The following CHRNA5 variants were observed in gnomAD, a reference collection of about 807,000 sequenced individuals.
CHRNA5 encodes neuronal acetylcholine receptor subunit alpha-5.
In CHRNA5, 28 loss-of-function variants were observed where a neutral mutation model predicts 41.2. The observed-to-expected ratio is 0.68, with a 90% confidence interval of 0.50 to 0.93. The LOEUF is 0.93. Among genes scored for constraint, CHRNA5 ranks in the 40% least tolerant of loss-of-function variants. CHRNA5 has a pLI of 0.00. For synonymous variants in CHRNA5, 188 were observed against 205.8 expected (o/e 0.91, Z 0.74); for missense variants, 481 against 581.9 (o/e 0.83, Z 1.78).
In CHRNA5 at chr15:78,588,423, A is replaced by G; in HGVS notation, c.413A>G (p.Asn138Ser). The stretch of plus-strand genomic sequence containing the variant: ...ACACCAGACATCGTTTTGTTTGATA[A>G]GTAAGTTATATTCTAAATATAGTTT... Residue 138 changes from asparagine (N) to serine (S), a missense_variant and splice_region_variant, in exon 4 of 6, where the codon AAT becomes AGT. Transcript: ENST00000299565. The surrounding 1 kb of genome is among the most constrained non-coding windows in gnomAD (Gnocchi z 4.1). The G allele has an allele frequency of 7.2e-7, 1 of 1,385,424 alleles. No individual in the cohort carries two copies. 85.8% of individuals were successfully genotyped at this position (1,385,424 alleles called of 1,614,324 possible).
chr15:78,567,197 G>A (rs2052758275), intron 1 of CHRNA5, among the ~76,000 whole-genome samples: 1 of 150,996 alleles, frequency 6.6e-6, no homozygotes, highest in South Asian at 2.1e-4. Flanking sequence ...AGGTTACAGT[G>A]AGCCGAGATC....
chr15:78,595,124 GTTTAATGCCA>G (rs2053080510), exon 6 of CHRNA5: 1 of 190,908 alleles, frequency 5.2e-6, no homozygotes, highest in Non-Finnish European at 9.7e-6. Flanking sequence ...GTAGGCAGGT[GTTTAATGCCA>G]TTTAATGAGT....
At chr15:78,568,166 C>T (rs2141394072) in intron 1 of CHRNA5, among the ~76,000 whole-genome samples, 1 of 152,284 alleles carries the variant, frequency 6.6e-6, no homozygotes, top group East Asian at 1.9e-4. Flanking sequence ...TTTCTGTGAG[C>T]CAGTTCCCAG....
intron 1 of CHRNA5, among the ~76,000 whole-genome samples, chr15:78,569,750 G>T (rs1318589554): frequency 6.7e-6 from 1 of 150,040 alleles, no homozygotes; most frequent in Non-Finnish European, 1.5e-5. Context: ...GTTTTTGAAA[G>T]AAGTTTAGAA....
intron 2 of CHRNA5, among the ~76,000 whole-genome samples, chr15:78,581,351 G>A (rs1279047425): frequency 2.0e-5 from 3 of 152,154 alleles, no homozygotes; most frequent in Non-Finnish European, 4.4e-5. Flanking sequence ...GGAACTAAAA[G>A]TATCACAAGA....
chr15:78,593,696 T>G (rs569449846), exon 6 of CHRNA5: 1 of 152,572 alleles, frequency 6.6e-6, no homozygotes, highest in Admixed American at 6.5e-5. Flanking sequence ...CTGCTATATT[T>G]AAAAAGCTGA....
At chr15:78,586,589 A>C (rs1375999313) in intron 2 of CHRNA5, 56 bp from the exon 3 acceptor site, 1 of 1,022,178 alleles carries the variant, frequency 9.8e-7, no homozygotes, top group Non-Finnish European at 1.5e-6. Flanking sequence ...TATTATTTAA[A>C]GAATTATTGT....
chr15:78,580,349 G>C (rs1032387173), intron 1 of CHRNA5, among the ~76,000 whole-genome samples: 1 of 149,630 alleles, frequency 6.7e-6, no homozygotes, highest in African/African-American at 2.5e-5. Flanking sequence ...TGATAAATGA[G>C]CTTTGCTTTA....
exon 1 of CHRNA5, chr15:78,565,734 G>A (rs1596053277): frequency 2.5e-6 from 3 of 1,186,000 alleles, no homozygotes; most frequent in Non-Finnish European, 3.1e-6. Context: ...CGGCGCGGGG[G>A]TCAGGGCCCC....
intron 2 of CHRNA5, among the ~76,000 whole-genome samples, chr15:78,582,638 G>T (rs1045717269): frequency 1.3e-5 from 2 of 152,196 alleles, no homozygotes; most frequent in Non-Finnish European, 2.9e-5. Context: ...CTTAATGAAT[G>T]ACCTTATCAA....
At chr15:78,570,422 C>CAATTTTTTTT (rs2052791456) in intron 1 of CHRNA5, among the ~76,000 whole-genome samples, 2 of 66,288 alleles carry the variant, frequency 3.0e-5, no homozygotes, top group East Asian at 2.6e-3. Context: ...CCAATCCCGG[C>CAATTTTTTTT]TATTTTTTTT....
intron 5 of CHRNA5, chr15:78,591,370 CAAAAAAAAAAA>C (rs58249488): frequency 2.2e-5 from 2 of 90,656 alleles, no homozygotes; most frequent in South Asian, 4.3e-4. Flanking sequence ...GACTCCGTCT[CAAAAAAAAAAA>C]AAAAAAAAAA....
At chr15:78,568,475 TAA>T (rs373587608) in intron 1 of CHRNA5, among the ~76,000 whole-genome samples, 5,369 of 151,448 alleles carry the variant, frequency 0.035, 321 homozygotes, top group African/African-American at 0.12. Flanking sequence ...ATTTTTTTTT[TAA>T]AATATTACTT....
At chr15:78,567,163 G>T (rs1352433892) in intron 1 of CHRNA5, among the ~76,000 whole-genome samples, 2 of 151,516 alleles carry the variant, frequency 1.3e-5, no homozygotes, top group Non-Finnish European at 1.5e-5. Context: ...TGAGGCAGGA[G>T]AATGACGTGA....
chr15:78,594,218 A>G (rs1438328660), exon 6 of CHRNA5: 1 of 152,220 alleles, frequency 6.6e-6, no homozygotes, highest in Non-Finnish European at 1.5e-5. Context: ...TACAGTAGAC[A>G]ACTCCTGTGG....
chr15:78,577,334 T>G (rs967348420), intron 1 of CHRNA5, among the ~76,000 whole-genome samples: 1 of 152,146 alleles, frequency 6.6e-6, no homozygotes, highest in African/African-American at 2.4e-5. Context: ...CTTAAAACAT[T>G]TACAGCCAGC....
chr15:78,565,567 C>G (rs1020229973), exon 1 of CHRNA5: 1 of 219,770 alleles, frequency 4.6e-6, no homozygotes, highest in South Asian at 1.8e-4. Flanking sequence ...GGCTGCTGTC[C>G]CGGCGGGAGC....
At chr15:78,575,388 T>G (rs1363235167) in intron 1 of CHRNA5, among the ~76,000 whole-genome samples, 1 of 152,202 alleles carries the variant, frequency 6.6e-6, no homozygotes, top group Non-Finnish European at 1.5e-5. Context: ...TAATTTTTTT[T>G]TGTTCTTATC....
chr15:78,579,933 G>A (rs1014539894), intron 1 of CHRNA5, among the ~76,000 whole-genome samples: 2 of 152,046 alleles, frequency 1.3e-5, no homozygotes, highest in African/African-American at 4.8e-5. Flanking sequence ...AAATATAGTA[G>A]CAAAGTATGT....
Sources: allele counts gnomAD v4.1 joint callset (sites outside exome capture counted in the v4.1 genomes callset), GRCh38; gene constraint gnomAD v4.1.1; non-coding constraint Gnocchi (gnomAD v3.1); transcripts MANE v1.5; gene names NCBI Gene and HGNC (gene_info 2026-07-23, HGNC 2026-07-21).